Variants in RP1 observed in about 807,000 individuals in gnomAD.
RP1 encodes the protein RP1 axonemal microtubule associated.
RP1 carries 16 observed loss-of-function variants against 14.8 expected under a neutral mutation model. That is an observed-to-expected ratio of 1.08 (90% confidence interval 0.73 to 1.65). RP1 has a LOEUF of 1.65. RP1 is among the 40% of genes most tolerant of loss of function. RP1 has a pLI of 0.00. For synonymous variants in RP1, 876 were observed against 883.6 expected, an observed-to-expected ratio of 0.99 and a Z score of 0.15; for missense variants, 2,631 against 2,535.0, an observed-to-expected ratio of 1.04 and a Z score of -0.81.
intron 15 of RP1, among the ~76,000 whole-genome samples, chr8:54,710,079 G>A (rs1808259392): frequency 6.6e-6 from 1 of 152,138 alleles, no homozygotes; most frequent in Non-Finnish European, 1.5e-5. Flanking sequence ...TGACCTCTAG[G>A]GGTTCTCCCA....
Position 54,628,290 on chromosome 8 carries a change from G to A in RP1, c.4408G>A (p.Glu1470Lys). The A allele has an allele frequency of 4.3e-6, 7 of 1,613,898 alleles. No homozygotes were observed. The highest frequency in any genetic ancestry group is 5.9e-6 in the Non-Finnish European group (7 of 1,179,910). Residue 1470 changes from glutamate to lysine, a missense_variant, in exon 4 of 4, where the codon GAA becomes AAA. Glu to Lys is a moderately conservative substitution (Grantham distance 56, BLOSUM62 1). Transcript: ENST00000220676. ...CATTTCAGAATTGGAATCTTTTGAA[G>A]AATTAGAAAACCATGACACTGATAT... is the stretch of plus-strand genomic sequence containing the variant. ...RNISELESFE[E>K]LENHDTDIFN...
rs568838422 is a variant in RP1, at chr8:54,628,314, A to G, written c.4432A>G (p.Ile1478Val). ...AGAATTAGAAAACCATGACACTGAT[A>G]TCTTTAATACAGTGGTAAATGGAGG... The part of the protein sequence containing the change: ...FEELENHDTD[I>V]FNTVVNGGEQ... The change falls in exon 4 of 4, where the codon ATC becomes GTC. Residue 1478 changes from isoleucine (I) to valine (V), a missense_variant. Ile to Val is a conservative substitution (Grantham distance 29, BLOSUM62 3). Transcript: ENST00000220676. 3.7e-6 allele frequency: 6 copies of G among 1,613,834 alleles called. No homozygotes were observed. In the Admixed American group the frequency reaches 5.0e-5, roughly 13 times the overall value.
intron 21 of RP1, among the ~76,000 whole-genome samples, chr8:54,756,382 C>T (rs1809504563): frequency 6.6e-6 from 1 of 152,166 alleles, no homozygotes; most frequent in Non-Finnish European, 1.5e-5. Flanking sequence ...AATCTAAAGG[C>T]ATATTTTTAA....
intron 24 of RP1, among the ~76,000 whole-genome samples, chr8:54,829,733 A>G (rs1329608073): frequency 6.6e-6 from 1 of 152,196 alleles, no homozygotes; most frequent in Non-Finnish European, 1.5e-5. Flanking sequence ...TAAATATTAA[A>G]AAATCATTTG....
intron 6 of RP1, among the ~76,000 whole-genome samples, chr8:54,662,941 G>C (rs576872536): frequency 6.6e-6 from 1 of 152,262 alleles, no homozygotes; most frequent in South Asian, 2.1e-4. Context: ...TTGGATTTCT[G>C]TACAGTAGTC....
chr8:54,696,830 C>CTGAAG (rs1312755163), intron 12 of RP1: 1 of 742,832 alleles, frequency 1.3e-6, no homozygotes, highest in East Asian at 2.5e-5. Flanking sequence ...ATTTCCAAAT[C>CTGAAG]TGAAGTCTGT....
intron 1 of RP1, among the ~76,000 whole-genome samples, chr8:54,620,352 C>T (rs970862459): frequency 5.3e-5 from 8 of 152,158 alleles, no homozygotes; most frequent in East Asian, 1.9e-4. Context: ...CAATGCCCTA[C>T]GGTATTCAAA....
chr8:54,724,611 G>T (rs749606629), intron 16 of RP1, among the ~76,000 whole-genome samples: 2 of 152,034 alleles, frequency 1.3e-5, no homozygotes, highest in Admixed American at 6.6e-5. Flanking sequence ...CAGACAAAGG[G>T]CTACTAAGGG....
upstream of RP1, chr8:54,615,955 G>A (rs904292447): frequency 6.6e-6 from 1 of 152,224 alleles, no homozygotes; most frequent in Non-Finnish European, 1.5e-5. Flanking sequence ...CACAACTGCA[G>A]AGCATGCTAG....
intron 1 of RP1, among the ~76,000 whole-genome samples, chr8:54,591,075 C>T (rs747877715): frequency 2.0e-5 from 3 of 152,186 alleles, no homozygotes; most frequent in Non-Finnish European, 4.4e-5. Flanking sequence ...CTACACACCT[C>T]ATGTAAGCCA....
At chr8:54,839,408 G>A (rs1811740497) in intron 25 of RP1, among the ~76,000 whole-genome samples, 2 of 152,190 alleles carry the variant, frequency 1.3e-5, no homozygotes, top group South Asian at 4.1e-4. Context: ...TGGCTGGTGT[G>A]AGCCAGGAGT....
intron 15 of RP1, chr8:54,720,121 GA>G (rs1287995149): frequency 1.3e-6 from 2 of 1,510,546 alleles, no homozygotes; most frequent in East Asian, 4.9e-5. Context: ...ATTTTGTATT[GA>G]TTGTAGGGTA....
intron 24 of RP1, among the ~76,000 whole-genome samples, chr8:54,806,912 C>T (rs945068008): frequency 2.0e-5 from 3 of 152,126 alleles, no homozygotes; most frequent in African/African-American, 7.2e-5. Context: ...GCTGAGAGTG[C>T]ATCAGTTTAA....
In RP1 at chr8:54,822,676, C is replaced by T. The variant is rs117872626; in HGVS notation, c.3616-14774C>T. On this transcript the variant is annotated intron_variant, in intron 24 of 28. Coordinates refer to the RP1 transcript ENST00000637698. The stretch of plus-strand genomic sequence containing the variant: ...ATGAAGGGAAAAATATAGAGAACTA[C>T]GCAGAGTAATCCAAGTAGTCCATGA... Among the ~76,000 whole-genome samples, 588 of 152,258 alleles carry T rather than the reference C, an allele frequency of 3.9e-3. 2 individuals carry two copies. Among genetic ancestry groups the T allele is most frequent in the East Asian group, 0.015 (76 of 5,176 alleles).
chr8:54,737,725 A>G (rs1808967700), intron 18 of RP1, among the ~76,000 whole-genome samples: 1 of 152,134 alleles, frequency 6.6e-6, no homozygotes, highest in African/African-American at 2.4e-5. Context: ...TCTGTAGGGG[A>G]AAGTGGTGGT....
chr8:54,637,534 G>T (rs2129321247), intron 3 of RP1, among the ~76,000 whole-genome samples: 1 of 152,240 alleles, frequency 6.6e-6, no homozygotes, highest in East Asian at 1.9e-4. Flanking sequence ...CCCTGTACAT[G>T]CCTAATTCCC....
chr8:54,602,547 T>C (rs1466288214), intron 1 of RP1, among the ~76,000 whole-genome samples: 2 of 152,198 alleles, frequency 1.3e-5, no homozygotes, highest in Non-Finnish European at 2.9e-5. Flanking sequence ...TTTGGGTATA[T>C]ACCCAGTAAT....
intron 24 of RP1, among the ~76,000 whole-genome samples, chr8:54,787,676 C>A (rs1382828882): frequency 6.6e-6 from 1 of 152,146 alleles, no homozygotes; most frequent in African/African-American, 2.4e-5. Flanking sequence ...TTGCTTTCTG[C>A]TTCTGCTTTA....
chr8:54,620,865 G>T (rs972355420), intron 1 of RP1, 90 bp from the exon 2 acceptor site: 7 of 1,203,922 alleles, frequency 5.8e-6, no homozygotes, highest in African/African-American at 1.5e-5. Flanking sequence ...GAATATCCTG[G>T]ATGTCTGCAG....
Sources: gnomAD v4.1 joint callset for allele counts (sites outside exome capture counted in the v4.1 genomes callset) on GRCh38, gnomAD v4.1.1 for gene constraint, MANE v1.5 for transcripts, NCBI Gene and HGNC (gene_info 2026-07-23, HGNC 2026-07-21) for gene names.